Variants in PTPA observed in about 807,000 individuals in gnomAD.
The protein encoded by PTPA is serine/threonine-protein phosphatase 2A activator.
Under a neutral mutation model 43.6 loss-of-function variants are expected in PTPA, and 13 were observed. That is an observed-to-expected ratio of 0.30 (90% CI 0.19 to 0.47). PTPA has a LOEUF of 0.47. PTPA is among the 20% of genes least tolerant of loss of function. PTPA has a pLI of 0.99. For missense variants in PTPA, 329 were observed against 411.9 expected, an observed-to-expected ratio of 0.80 and a Z score of 1.74; for synonymous variants, 172 against 158.2, an observed-to-expected ratio of 1.09 and a Z score of -0.66.
chr9:129,134,221 T>C (rs886517776), intron 5 of PTPA, among the ~76,000 whole-genome samples: 2 of 151,354 alleles, frequency 1.3e-5, no homozygotes, highest in East Asian at 3.9e-4. Flanking sequence ...AATTGCTGAG[T>C]GAGTTAAACC....
In PTPA at chr9:129,123,868, A is replaced by G. The variant is rs528172866; in HGVS notation, c.216+730A>G. Among the ~76,000 whole-genome samples the G allele has an allele frequency of 5.3e-5, 8 of 152,074 alleles. No homozygotes were observed. In the East Asian group the frequency reaches 1.6e-3, roughly 30 times the overall value. On this transcript the variant is annotated intron_variant, in intron 3 of 9. Coordinates refer to ENST00000393370, the MANE Select transcript of PTPA (RefSeq NM_178000.3). ...CTGGATAATTTTTTATTTTTAGTAGAGACGGGGTTTCTCCATGTTGGTCAG... is the reference window on the plus strand; with the variant it reads ...CTGGATAATTTTTTATTTTTAGTAGGGACGGGGTTTCTCCATGTTGGTCAG...
intron 3 of PTPA, among the ~76,000 whole-genome samples, chr9:129,128,512 G>A (rs1251708805): frequency 6.7e-6 from 1 of 149,998 alleles, no homozygotes; most frequent in Non-Finnish European, 1.5e-5. Flanking sequence ...CTCCAGCCTG[G>A]GCAACAAGAG....
chr9:129,122,169 C>G (rs910505695), intron 2 of PTPA, among the ~76,000 whole-genome samples: 2 of 152,014 alleles, frequency 1.3e-5, no homozygotes, highest in South Asian at 4.2e-4. Flanking sequence ...GTGATATGAT[C>G]ATGGCTCTCT....
intron 3 of PTPA, among the ~76,000 whole-genome samples, chr9:129,124,612 T>C (rs1849461320): frequency 6.6e-6 from 1 of 152,226 alleles, no homozygotes; most frequent in African/African-American, 2.4e-5. Context: ...CAGATACTGA[T>C]TGGCAGGTGT....
intron 9 of PTPA, chr9:129,142,758 G>T: frequency 6.5e-7 from 1 of 1,536,434 alleles, no homozygotes; most frequent in Non-Finnish European, 8.7e-7. Flanking sequence ...AGCCACCCCA[G>T]CCCCGAAAAG....
intron 9 of PTPA, among the ~76,000 whole-genome samples, chr9:129,145,079 C>T (rs1161640057): frequency 6.6e-6 from 1 of 151,454 alleles, no homozygotes; most frequent in African/African-American, 2.4e-5. Flanking sequence ...GCCTATAATC[C>T]CAGCACTTTG....
chr9:129,117,656 C>T (rs545727136), intron 1 of PTPA, among the ~76,000 whole-genome samples: 28 of 151,098 alleles, frequency 1.9e-4, no homozygotes, highest in African/African-American at 6.1e-4. Flanking sequence ...CCACCCGCCT[C>T]GGATTCCCAA....
At position 129,113,683 on chromosome 9, in the gene PTPA, T is replaced by A. The variant is rs568858316; in HGVS notation, c.31+2052T>A. On this transcript the variant is annotated intron_variant, in intron 1 of 9. Coordinates refer to ENST00000393370, the MANE Select transcript of PTPA (RefSeq NM_178000.3). ...TACTCGGGAGGCTGAGGCAGGAGAATCACTTGAACCCAGGAGGCGGAGGTT... is the reference window on the plus strand; with the variant it reads ...TACTCGGGAGGCTGAGGCAGGAGAAACACTTGAACCCAGGAGGCGGAGGTT... Among the ~76,000 whole-genome samples, 6 of 152,040 alleles carry A rather than the reference T, an allele frequency of 3.9e-5. No individual in the cohort carries two copies. The South Asian group carries it at 1.2e-3, about 32-fold the overall frequency.
intron 9 of PTPA, among the ~76,000 whole-genome samples, chr9:129,146,781 G>GGGCTC (rs1851329732): frequency 6.6e-6 from 1 of 152,208 alleles, no homozygotes; most frequent in African/African-American, 2.4e-5. Context: ...GGGCTGGGCT[G>GGGCTC]GGCTCAGGGA....
chr9:129,140,065 C>G (rs1329537550), intron 8 of PTPA: 1 of 152,500 alleles, frequency 6.6e-6, no homozygotes, highest in Non-Finnish European at 1.5e-5. Context: ...GCCTCCCCAC[C>G]CCCGCCCATC....
At chr9:129,118,659 G>T (rs948979106) in intron 1 of PTPA, among the ~76,000 whole-genome samples, 37 of 151,858 alleles carry the variant, frequency 2.4e-4, no homozygotes, top group African/African-American at 8.7e-4. Flanking sequence ...GTAGGCATGA[G>T]CCACCGCGCC....
At chr9:129,127,531 C>T (rs750233356) in intron 3 of PTPA, among the ~76,000 whole-genome samples, 15 of 152,340 alleles carry the variant, frequency 9.8e-5, no homozygotes, top group Middle Eastern at 3.4e-3. Context: ...ATAGCCTCCG[C>T]GTTGTATTTT....
At chr9:129,131,233 C>T (rs1394227396) in intron 4 of PTPA, among the ~76,000 whole-genome samples, 1 of 152,166 alleles carries the variant, frequency 6.6e-6, no homozygotes, top group East Asian at 1.9e-4. Context: ...CTGTGGGGCT[C>T]CAGTGAGTTA....
intron 9 of PTPA, chr9:129,143,365 C>G (rs976279188): frequency 4.3e-6 from 3 of 703,000 alleles, no homozygotes; most frequent in African/African-American, 3.5e-5. Context: ...TCCCTTCTTT[C>G]TGTTCTCAGG....
chr9:129,136,522 C>T lies in PTPA; in HGVS notation c.612C>T (p.Ala204=), dbSNP rs17508881. 1,569 of 1,613,838 alleles carry T rather than the reference C, an allele frequency of 9.7e-4. 11 individuals are homozygous for T. The African/African-American group carries it at 0.018, about 18-fold the overall frequency. ...AGAAAACATACAGGATGGAGCCAGCCGGCAGCCAGGGAGTGTGGGGTCTGG... is the reference window on the plus strand; with the variant it reads ...AGAAAACATACAGGATGGAGCCAGCTGGCAGCCAGGGAGTGTGGGGTCTGG... The part of the protein sequence containing the change: ...KLQKTYRMEP[A]GSQGVWGLDD... The change falls in exon 7 of 10, where the codon GCC becomes GCT. Residue 204 remains alanine (A), a synonymous_variant. Transcript: ENST00000393370.
intron 2 of PTPA, 21 bp downstream of exon 2, chr9:129,120,631 GA>G (rs1372588602): frequency 6.3e-7 from 1 of 1,592,660 alleles, no homozygotes. Flanking sequence ...GAACTGTGGT[GA>G]GAAACTTGGG....
At chr9:129,147,353 C>T (rs548291930) in intron 9 of PTPA, 34 bp from the exon 10 acceptor site, 3 of 1,608,310 alleles carry the variant, frequency 1.9e-6, no homozygotes, top group South Asian at 2.2e-5. Flanking sequence ...TGGTGTGGCC[C>T]TCACCACTCT....
chr9:129,146,766 A>G (rs2131639381), intron 9 of PTPA, among the ~76,000 whole-genome samples: 1 of 152,176 alleles, frequency 6.6e-6, no homozygotes, highest in African/African-American at 2.4e-5. Context: ...CTCTGCTAGG[A>G]GCCCGGGCTG....
chr9:129,111,827 G>A (rs1053657801), intron 1 of PTPA, 196 bp downstream of exon 1: 77 of 1,218,952 alleles, frequency 6.3e-5, no homozygotes, highest in Non-Finnish European at 7.9e-5. Context: ...GGGAACCAGG[G>A]GCTGCAAAGG....
Sources: gnomAD v4.1 joint callset for allele counts (sites outside exome capture counted in the v4.1 genomes callset) on GRCh38, gnomAD v4.1.1 for gene constraint, MANE v1.5 for transcripts, NCBI Gene and HGNC (gene_info 2026-07-23, HGNC 2026-07-21) for gene names.